Variants in HECW1 observed in about 807,000 individuals in gnomAD.
The protein encoded by HECW1 is E3 ubiquitin-protein ligase HECW1.
Under a neutral mutation model 182.3 loss-of-function variants are expected in HECW1, and 61 were observed. The observed-to-expected ratio is 0.33, with a 90% confidence interval of 0.27 to 0.41. HECW1 has a LOEUF of 0.41. Among genes scored for constraint, HECW1 ranks in the 10% least tolerant of loss-of-function variants. The probability of loss-of-function intolerance (pLI) is 1.00; values close to 1 mark genes in which losing one functional copy is unlikely to be tolerated. For synonymous variants in HECW1, 859 were observed against 832.6 expected (o/e 1.03, Z -0.55); for missense variants, 1,739 against 2,108.9 (o/e 0.82, Z 3.44).
rs968399383 is a variant in HECW1 at position 43,361,063 on chromosome 7, T to C, written c.555+83T>C. 1,219 of 290,690 alleles carry C rather than the reference T, an allele frequency of 4.2e-3. 8 individuals are homozygous for C. Among genetic ancestry groups the C allele is most frequent in the Non-Finnish European group, 5.2e-3 (918 of 176,252 alleles). 18.0% of individuals were successfully genotyped at this position (290,690 alleles called of 1,614,324 possible). ...TATTTTGTTCTTGTGCGTGCGTGTG[T>C]GTGTGTGTGTGTGTGTGTGTGTGTG... On this transcript the variant is annotated intron_variant, in intron 6 of 29. Transcript: ENST00000395891.
chr7:43,134,644 T>C (rs113463870), intron 2 of HECW1, among the ~76,000 whole-genome samples: 193 of 152,016 alleles, frequency 1.3e-3, no homozygotes, highest in African/African-American at 4.2e-3. Context: ...TAGTTGGGAC[T>C]ACAGGCATGC....
At chr7:43,159,840 C>T (rs186239203) in intron 2 of HECW1, among the ~76,000 whole-genome samples, 1,749 of 151,982 alleles carry the variant, frequency 0.012, 19 homozygotes, top group African/African-American at 0.041. Flanking sequence ...CCACCACGCC[C>T]GGCTAATTTT....
intron 26 of HECW1, among the ~76,000 whole-genome samples, chr7:43,547,990 A>G (rs930754936): frequency 6.6e-6 from 1 of 152,252 alleles, no homozygotes; most frequent in Non-Finnish European, 1.5e-5. Context: ...AAACAGCAGG[A>G]GGTGACTACA....
intron 13 of HECW1, 106 bp from the exon 14 acceptor site, chr7:43,463,554 A>G: frequency 9.4e-7 from 1 of 1,062,844 alleles, no homozygotes; most frequent in Non-Finnish European, 1.4e-6. Flanking sequence ...CTTTCCTGAC[A>G]TTCAAGACAA....
At chr7:43,487,139 A>G (rs998076768) in intron 17 of HECW1, among the ~76,000 whole-genome samples, 1 of 152,152 alleles carries the variant, frequency 6.6e-6, no homozygotes, top group African/African-American at 2.4e-5. Flanking sequence ...TGAACTTGCT[A>G]CATTTTTTTT....
At chr7:43,350,687 A>C (rs1412465802) in intron 5 of HECW1, among the ~76,000 whole-genome samples, 2 of 152,106 alleles carry the variant, frequency 1.3e-5, no homozygotes, top group Non-Finnish European at 2.9e-5. Flanking sequence ...CACATTTCTA[A>C]AAGTGTGTCC....
chr7:43,415,350 A>G (rs1192896707), intron 8 of HECW1, among the ~76,000 whole-genome samples: 1 of 139,964 alleles, frequency 7.1e-6, no homozygotes, highest in African/African-American at 2.7e-5. Flanking sequence ...AATGTTGAAT[A>G]TTGGCCCCCA....
chr7:43,449,715 G>T (rs1471132225), intron 11 of HECW1, among the ~76,000 whole-genome samples: 2 of 152,202 alleles, frequency 1.3e-5, no homozygotes, highest in Non-Finnish European at 2.9e-5. Flanking sequence ...GAAGGAAAAG[G>T]CCTGACCTTT....
intron 2 of HECW1, among the ~76,000 whole-genome samples, chr7:43,209,700 C>A (rs1210761607): frequency 1.3e-5 from 2 of 152,102 alleles, no homozygotes; most frequent in Non-Finnish European, 2.9e-5. Context: ...TGTCTTTCCA[C>A]AAGTGCTGGG....
intron 3 of HECW1, among the ~76,000 whole-genome samples, chr7:43,275,691 TC>T (rs1247922101): frequency 4.6e-5 from 7 of 152,016 alleles, no homozygotes; most frequent in Non-Finnish European, 5.9e-5. Context: ...CACCAAGTAG[TC>T]TGTTCTTATG....
At chr7:43,430,485 T>C (rs764273180) in intron 8 of HECW1, among the ~76,000 whole-genome samples, 1 of 152,210 alleles carries the variant, frequency 6.6e-6, no homozygotes, top group Admixed American at 6.5e-5. Flanking sequence ...CACTAAGCAG[T>C]TACAACACAG....
At chr7:43,294,826 C>G (rs571459840) in intron 3 of HECW1, among the ~76,000 whole-genome samples, 2 of 152,276 alleles carry the variant, frequency 1.3e-5, no homozygotes, top group East Asian at 1.9e-4. Context: ...AAGGATGCAC[C>G]TGTGACGCAG....
intron 17 of HECW1, among the ~76,000 whole-genome samples, chr7:43,487,950 C>T (rs1270593367): frequency 7.0e-6 from 1 of 141,910 alleles, no homozygotes; most frequent in African/African-American, 2.6e-5. Flanking sequence ...CAGAGACTGT[C>T]TCAAAAAAAA....
At chr7:43,212,304 CTCTT>C (rs1796070983) in intron 2 of HECW1, among the ~76,000 whole-genome samples, 1 of 152,216 alleles carries the variant, frequency 6.6e-6, no homozygotes, top group Non-Finnish European at 1.5e-5. Flanking sequence ...AGATCATACA[CTCTT>C]TATTTACAGT....
intron 3 of HECW1, among the ~76,000 whole-genome samples, chr7:43,311,375 G>A (rs369878270): frequency 6.6e-6 from 1 of 152,120 alleles, no homozygotes; most frequent in Non-Finnish European, 1.5e-5. Flanking sequence ...CCTTAAAGAA[G>A]GATAAAATCA....
At chr7:43,317,840 TG>T (rs1270902049) in intron 4 of HECW1, among the ~76,000 whole-genome samples, 7 of 151,746 alleles carry the variant, frequency 4.6e-5, no homozygotes, top group African/African-American at 1.7e-4. Flanking sequence ...TGTGTGTGTG[TG>T]TGTGTGTGTG....
At chr7:43,188,838 G>T (rs1793644163) in intron 2 of HECW1, among the ~76,000 whole-genome samples, 1 of 152,176 alleles carries the variant, frequency 6.6e-6, no homozygotes. Context: ...AGTGCCTTCT[G>T]CTAACACCCT....
At chr7:43,208,985 C>A (rs1484719430) in intron 2 of HECW1, among the ~76,000 whole-genome samples, 1 of 152,176 alleles carries the variant, frequency 6.6e-6, no homozygotes, top group Non-Finnish European at 1.5e-5. Context: ...TTGCTTCATT[C>A]CTGGCACCTC....
chr7:43,146,263 CT>C (rs1449209221), intron 2 of HECW1, among the ~76,000 whole-genome samples: 1 of 152,060 alleles, frequency 6.6e-6, no homozygotes, highest in Non-Finnish European at 1.5e-5. Flanking sequence ...GGAGGCTGCC[CT>C]TTGCTTTGTA....
Sources: gnomAD v4.1 joint callset for allele counts (sites outside exome capture counted in the v4.1 genomes callset) on GRCh38, gnomAD v4.1.1 for gene constraint, MANE v1.5 for transcripts, NCBI Gene and HGNC (gene_info 2026-07-23, HGNC 2026-07-21) for gene names.